The following GLIS3 variants were observed in gnomAD, a reference collection of about 807,000 sequenced individuals.
GLIS3 encodes the protein GLIS family zinc finger 3.
GLIS3 carries 53 observed loss-of-function variants against 78.6 expected under a neutral mutation model. The observed-to-expected ratio is 0.67, with a 90% CI of 0.54 to 0.85. The LOEUF (loss-of-function observed/expected upper bound fraction) is 0.85. Among genes scored for constraint, GLIS3 ranks in the 40% least tolerant of loss-of-function variants. GLIS3 has a pLI of 0.00. For missense variants in GLIS3, 1,703 were observed against 1,231.1 expected, an observed-to-expected ratio of 1.38 and a Z score of -5.74; for synonymous variants, 684 against 509.9, an observed-to-expected ratio of 1.34 and a Z score of -4.60.
chr9:4,468,920 C>G, the GLIS3 span, among the ~76,000 whole-genome samples: 1 of 151,756 alleles, frequency 6.6e-6, no homozygotes, highest in Non-Finnish European at 1.5e-5. Flanking sequence ...CATATAGGCT[C>G]AAAATAAAGG....
chr9:4,088,327 A>G (rs1829217437), intron 4 of GLIS3, among the ~76,000 whole-genome samples: 1 of 152,254 alleles, frequency 6.6e-6, no homozygotes, highest in Non-Finnish European at 1.5e-5. Context: ...TTGGCATAAA[A>G]CATATGCTTA....
At chr9:4,393,307 G>A in the GLIS3 span, among the ~76,000 whole-genome samples, 1 of 152,182 alleles carries the variant, frequency 6.6e-6, no homozygotes, top group African/African-American at 2.4e-5. Context: ...AGTCATTTGA[G>A]AGTAAGTTTG....
chr9:4,133,644 T>C (rs1384324117), intron 2 of GLIS3, among the ~76,000 whole-genome samples: 2 of 152,154 alleles, frequency 1.3e-5, no homozygotes, highest in African/African-American at 4.8e-5. Context: ...GTTACCTCAG[T>C]TTGGAGGATT....
the GLIS3 span, among the ~76,000 whole-genome samples, chr9:4,445,348 C>A: frequency 2.6e-5 from 4 of 152,104 alleles, no homozygotes; most frequent in African/African-American, 9.7e-5. Context: ...TCGTCCAGGC[C>A]AGGTGTGGTG....
rs371822076 is a variant in GLIS3 at position 3,864,272 on chromosome 9, C to T, written c.2298-8088G>A. Among the ~76,000 whole-genome samples, 4 of 152,200 alleles carry T rather than the reference C, an allele frequency of 2.6e-5. No individual in the cohort carries two copies. The East Asian group carries it at 7.7e-4, about 29-fold the overall frequency. On this transcript the variant is annotated intron_variant, in intron 8 of 10. Transcript: ENST00000381971. ...TTGTTCAGCATGGTGTCAGACATAG[C>T]GTTCAATCTACTTTACAATAGAATG...
At chr9:3,885,999 T>C (rs1036817713) in intron 7 of GLIS3, among the ~76,000 whole-genome samples, 1 of 152,346 alleles carries the variant, frequency 6.6e-6, no homozygotes, top group African/African-American at 2.4e-5. Context: ...GATTATAGAA[T>C]GAGCAGAAAA....
chr9:3,920,254 C>T (rs147548027), intron 6 of GLIS3, among the ~76,000 whole-genome samples: 14,160 of 152,164 alleles, frequency 0.093, 746 homozygotes, highest in East Asian at 0.14. Flanking sequence ...CCACCCGCCT[C>T]GGCCTCCCAA....
intron 4 of GLIS3, among the ~76,000 whole-genome samples, chr9:4,059,834 G>GTC (rs1826490620): frequency 7.2e-6 from 1 of 138,722 alleles, no homozygotes; most frequent in African/African-American, 3.0e-5. Context: ...GTGTGTGAGA[G>GTC]AGAGAGAGAG....
rs1827970057 is a variant in GLIS3 at position 4,286,130 on chromosome 9, T to C, written c.296A>G (p.Gln99Arg). 3 of 1,613,550 alleles carry C rather than the reference T, an allele frequency of 1.9e-6. No homozygotes were observed. The highest frequency in any genetic ancestry group is 1.7e-5 in the Admixed American group (1 of 60,002). ...QMLTNGKPRF[Q>R]VTQAGGMSGS... Reference sequence around the variant, plus strand: ...TGACATGCCTCCAGCCTGGGTGACCTGGAATCGCGGCTTCCCATTGGTGAG... The same window carrying C: ...TGACATGCCTCCAGCCTGGGTGACCCGGAATCGCGGCTTCCCATTGGTGAG... Residue 99 changes from glutamine to arginine, a missense_variant, in exon 2 of 11, where the codon CAG becomes CGG. Physicochemically the swap from Gln to Arg is conservative, Grantham distance 43. Coordinates refer to ENST00000381971, the MANE Select transcript of GLIS3 (RefSeq NM_001042413.2).
intron 2 of GLIS3, among the ~76,000 whole-genome samples, chr9:4,342,360 C>A (rs1235724560): frequency 1.3e-5 from 2 of 152,160 alleles, no homozygotes; most frequent in Non-Finnish European, 2.9e-5. Flanking sequence ...TCATCGCTTT[C>A]CCCATTGCCT....
chr9:3,867,104 C>CAGTA (rs1417888728), intron 8 of GLIS3, among the ~76,000 whole-genome samples: 2 of 152,156 alleles, frequency 1.3e-5, no homozygotes, highest in Non-Finnish European at 2.9e-5. Context: ...AGGTTTTTAA[C>CAGTA]AGTAAGTTGA....
chr9:4,338,567 G>C (rs1248817560), intron 2 of GLIS3, among the ~76,000 whole-genome samples: 1 of 152,098 alleles, frequency 6.6e-6, no homozygotes, highest in Non-Finnish European at 1.5e-5. Context: ...TCAAGATGTG[G>C]CTACCACTGA....
At chr9:3,931,159 T>C (rs1825585921) in intron 6 of GLIS3, among the ~76,000 whole-genome samples, 1 of 152,256 alleles carries the variant, frequency 6.6e-6, no homozygotes, top group South Asian at 2.1e-4. Context: ...AAGAGTGGGT[T>C]TGTATGCAAT....
the GLIS3 span, among the ~76,000 whole-genome samples, chr9:4,440,175 G>A: frequency 1.3e-5 from 2 of 152,096 alleles, no homozygotes; most frequent in Non-Finnish European, 2.9e-5. Context: ...TCTTTGCTGT[G>A]CAGAAGTTTT....
At chr9:3,966,720 G>A (rs1326672048) in intron 4 of GLIS3, among the ~76,000 whole-genome samples, 1 of 151,550 alleles carries the variant, frequency 6.6e-6, no homozygotes, top group Non-Finnish European at 1.5e-5. Flanking sequence ...CTTAGAACCC[G>A]GGAGGTGGTG....
intron 7 of GLIS3, among the ~76,000 whole-genome samples, chr9:3,896,329 AAGTT>A (rs578248349): frequency 6.6e-6 from 1 of 152,158 alleles, no homozygotes; most frequent in African/African-American, 2.4e-5. Context: ...AAAAGGAAGA[AAGTT>A]AGAAAGCAAA....
At chr9:4,442,084 C>G in the GLIS3 span, among the ~76,000 whole-genome samples, 1 of 152,114 alleles carries the variant, frequency 6.6e-6, no homozygotes, top group African/African-American at 2.4e-5. Flanking sequence ...AAGTTCCAGG[C>G]TTTTCTTAGA....
At chr9:4,480,200 C>CTTTTTT in the GLIS3 span, among the ~76,000 whole-genome samples, 45 of 93,878 alleles carry the variant, frequency 4.8e-4, no homozygotes, top group African/African-American at 1.8e-3. Flanking sequence ...GCTGGGCTTT[C>CTTTTTT]TTTTTTTTTT....
chr9:3,849,000 C>T (rs1205939771), intron 9 of GLIS3, among the ~76,000 whole-genome samples: 1 of 152,198 alleles, frequency 6.6e-6, no homozygotes, highest in Non-Finnish European at 1.5e-5. Flanking sequence ...GAGGGCGCCC[C>T]CTTCCCACTG....
Sources: gnomAD v4.1 joint callset for allele counts (sites outside exome capture counted in the v4.1 genomes callset) on GRCh38, gnomAD v4.1.1 for gene constraint, MANE v1.5 for transcripts, NCBI Gene and HGNC (gene_info 2026-07-23, HGNC 2026-07-21) for gene names.